The following WHRN variants were observed in gnomAD, a reference collection of about 807,000 sequenced individuals.
WHRN encodes CASK-interacting protein CIP98.
Under a neutral mutation model 68.3 loss-of-function variants are expected in WHRN, and 41 were observed. The observed-to-expected ratio is 0.60, with a 90% confidence interval of 0.47 to 0.78. The LOEUF (loss-of-function observed/expected upper bound fraction) is 0.78, where lower values mean the gene tolerates loss of function less well. Ranked by LOEUF, WHRN falls within the 30% of genes least tolerant of loss-of-function variation. The pLI is 0.00. For missense variants in WHRN, 1,243 were observed against 1,244.7 expected (o/e 1.00, Z 0.02); for synonymous variants, 560 against 561.3 (o/e 1.00, Z 0.03).
chr9:114,424,313 G>A, intron 6 of WHRN, 21 bp downstream of exon 6: 1 of 1,611,772 alleles, frequency 6.2e-7, no homozygotes, highest in African/African-American at 1.3e-5. Context: ...GAAGCCAGTT[G>A]GGAGGCAGGG....
intron 1 of WHRN, among the ~76,000 whole-genome samples, chr9:114,501,285 A>G (rs186976618): frequency 7.2e-5 from 11 of 152,310 alleles, no homozygotes; most frequent in Admixed American, 1.3e-4. Flanking sequence ...ACATTTCAAC[A>G]TAATTGCAAA....
intron 3 of WHRN, among the ~76,000 whole-genome samples, chr9:114,438,060 C>T (rs1838019107): frequency 6.6e-6 from 1 of 152,032 alleles, no homozygotes; most frequent in South Asian, 2.1e-4. Flanking sequence ...ATGGTGAAAC[C>T]CCATCTCTAC....
chr9:114,408,410 G>A (rs1221035727), intron 7 of WHRN, among the ~76,000 whole-genome samples: 1 of 152,254 alleles, frequency 6.6e-6, no homozygotes. Context: ...AATGGCAAGA[G>A]AGAAGTGGAT....
At chr9:114,407,871 G>T in intron 8 of WHRN, 76 bp downstream of exon 8, 2 of 1,286,764 alleles carry the variant, frequency 1.6e-6, no homozygotes, top group Non-Finnish European at 2.2e-6. Flanking sequence ...CTCCGTGGCT[G>T]TCATGGAGAG....
At chr9:114,436,349 G>A (rs1250979540) in intron 3 of WHRN, among the ~76,000 whole-genome samples, 1 of 152,116 alleles carries the variant, frequency 6.6e-6, no homozygotes, top group East Asian at 1.9e-4. Context: ...CTTATATAAA[G>A]TATGGACTAA....
In WHRN at chr9:114,426,398, G is replaced by C; in HGVS notation, c.979C>G (p.Leu327Val). 2 of 1,613,338 alleles carry C rather than the reference G, an allele frequency of 1.2e-6. No individual in the cohort carries two copies. Among genetic ancestry groups the C allele is most frequent in the Non-Finnish European group, 1.7e-6 (2 of 1,179,856 alleles). Residue 327 changes from leucine (L) to valine (V), a missense_variant, in exon 4 of 12, where the codon CTA (leucine) becomes GTA (valine). By Grantham distance (32) the Leu-to-Val change is conservative. Coordinates refer to ENST00000362057, the MANE Select transcript of WHRN (RefSeq NM_015404.4). ...GSGLKVGDQI[L>V]EVNGRSFLNI... ...AGAAAGCTCCGCCCATTCACTTCTA[G>C]AATCTGGTCCCCAACCTGCCAAGAT... is the stretch of plus-strand genomic sequence containing the variant.
intron 1 of WHRN, among the ~76,000 whole-genome samples, chr9:114,489,957 T>C (rs1842847026): frequency 6.6e-6 from 1 of 152,212 alleles, no homozygotes; most frequent in Admixed American, 6.5e-5. Flanking sequence ...TTGTTATTCT[T>C]ATATTATTTT....
intron 3 of WHRN, among the ~76,000 whole-genome samples, chr9:114,454,487 T>C (rs956799212): frequency 1.5e-4 from 23 of 152,184 alleles, no homozygotes; most frequent in African/African-American, 5.1e-4. Context: ...CCATTTATAA[T>C]AGTGCTGAAA....
chr9:114,419,495 G>C (rs1319307599), intron 7 of WHRN, among the ~76,000 whole-genome samples: 1 of 152,226 alleles, frequency 6.6e-6, no homozygotes, highest in East Asian at 1.9e-4. Flanking sequence ...AACCTGTACA[G>C]GCTTTTATAA....
At chr9:114,470,090 C>A (rs995725326) in intron 2 of WHRN, among the ~76,000 whole-genome samples, 1 of 152,194 alleles carries the variant, frequency 6.6e-6, no homozygotes, top group Non-Finnish European at 1.5e-5. Flanking sequence ...TCTGCAACAT[C>A]CCTTTTGCTA....
chr9:114,489,928 T>G lies in WHRN; in HGVS notation c.619-11157A>C, dbSNP rs555225514. ...ACACATGTCATTTGTAAACATTCTC[T>G]TAAACAAAAGTCCAAAAATTGTTAT... On this transcript the variant is annotated intron_variant, in intron 1 of 11. Coordinates refer to ENST00000362057, the MANE Select transcript of WHRN (RefSeq NM_015404.4). Among the ~76,000 whole-genome samples the G allele has an allele frequency of 4.6e-5, 7 of 152,318 alleles. No individual in the cohort carries two copies. In the East Asian group the frequency reaches 1.2e-3, roughly 25 times the overall value.
At chr9:114,457,033 T>C (rs1356506507) in intron 3 of WHRN, among the ~76,000 whole-genome samples, 4 of 152,048 alleles carry the variant, frequency 2.6e-5, no homozygotes, top group Non-Finnish European at 4.4e-5. Context: ...AAGAAAAAAA[T>C]ACTGTGTATG....
rs200234057 is a variant in WHRN, at chr9:114,462,297, G to A, written c.963+3970C>T. Among the ~76,000 whole-genome samples the A allele has an allele frequency of 2.0e-4, 30 of 152,080 alleles. No homozygotes were observed. The East Asian group carries it at 3.1e-3, about 16-fold the overall frequency. ...CTTTTCCTGTCCCCCATTTTCCTTC[G>A]CCCCAATTTCCTCCACTCATTCAAA... On this transcript the variant is annotated intron_variant, in intron 3 of 11. Transcript: ENST00000362057.
chr9:114,451,696 T>G (rs1400806702), intron 3 of WHRN, among the ~76,000 whole-genome samples: 1 of 151,820 alleles, frequency 6.6e-6, no homozygotes, highest in Non-Finnish European at 1.5e-5. Flanking sequence ...GAGAACCACT[T>G]CACAAAGAGA....
chr9:114,431,311 C>G (rs1374232299), intron 3 of WHRN, among the ~76,000 whole-genome samples: 1 of 152,218 alleles, frequency 6.6e-6, no homozygotes, highest in African/African-American at 2.4e-5. Flanking sequence ...CCACCCTGCA[C>G]AGAGCCTGAG....
intron 7 of WHRN, among the ~76,000 whole-genome samples, chr9:114,422,868 C>T (rs561206187): frequency 6.6e-6 from 1 of 152,058 alleles, no homozygotes; most frequent in Admixed American, 6.6e-5. Context: ...TGGGCTTGGG[C>T]TCCAGAGACA....
intron 7 of WHRN, among the ~76,000 whole-genome samples, chr9:114,411,421 C>T (rs140107517): frequency 7.3e-4 from 111 of 152,286 alleles, no homozygotes; most frequent in African/African-American, 2.5e-3. Context: ...TCAGGTGGAG[C>T]CACTGCCCCC....
chr9:114,501,701 G>A (rs1589282426), intron 1 of WHRN, among the ~76,000 whole-genome samples: 1 of 151,996 alleles, frequency 6.6e-6, no homozygotes, highest in African/African-American at 2.4e-5. Context: ...AATGCAATGT[G>A]GTATCCTAGA....
intron 4 of WHRN, 180 bp downstream of exon 4, chr9:114,426,030 GA>G: frequency 2.7e-6 from 2 of 733,706 alleles, no homozygotes; most frequent in South Asian, 3.2e-5. Flanking sequence ...TTTCCATGGG[GA>G]AACTGAGGCC....
Sources: allele counts gnomAD v4.1 joint callset (sites outside exome capture counted in the v4.1 genomes callset), GRCh38; gene constraint gnomAD v4.1.1; transcripts MANE v1.5; gene names NCBI Gene and HGNC (gene_info 2026-07-23, HGNC 2026-07-21).